The following ZFPM2 variants were observed in gnomAD, a reference collection of about 807,000 sequenced individuals.
ZFPM2 encodes the protein zinc finger protein ZFPM2.
Under a neutral mutation model 98.6 loss-of-function variants are expected in ZFPM2, and 20 were observed. That is an observed-to-expected ratio of 0.20 (90% confidence interval 0.14 to 0.29). The LOEUF (loss-of-function observed/expected upper bound fraction) is 0.29, where lower values mean the gene tolerates loss of function less well. Among genes scored for constraint, ZFPM2 ranks in the 10% least tolerant of loss-of-function variants. The pLI is 1.00. For missense variants in ZFPM2, 1,310 were observed against 1,388.6 expected (o/e 0.94, Z 0.90); for synonymous variants, 518 against 502.7 (o/e 1.03, Z -0.41).
intron 1 of ZFPM2, among the ~76,000 whole-genome samples, chr8:105,322,512 C>T (rs1406109286): frequency 2.0e-5 from 3 of 148,402 alleles, no homozygotes; most frequent in South Asian, 4.2e-4. Context: ...TAATATAGAG[C>T]TTGAAAAGGA....
At chr8:105,534,508 C>T (rs1277755944) in intron 3 of ZFPM2, among the ~76,000 whole-genome samples, 1 of 150,536 alleles carries the variant, frequency 6.6e-6, no homozygotes, top group Non-Finnish European at 1.5e-5. Context: ...TCCTCTTCCT[C>T]TGTTTTTGTC....
chr8:105,652,459 A>G (rs776344447), intron 5 of ZFPM2, among the ~76,000 whole-genome samples: 2 of 151,386 alleles, frequency 1.3e-5, no homozygotes, highest in African/African-American at 2.4e-5. Context: ...GAGTATTCCA[A>G]TCAAGGAAAT....
chr8:105,698,996 C>T (rs1236407512), intron 5 of ZFPM2, among the ~76,000 whole-genome samples: 5 of 151,900 alleles, frequency 3.3e-5, no homozygotes, highest in Non-Finnish European at 7.4e-5. Flanking sequence ...CCTAAGCCAA[C>T]GAATTTTAGA....
intron 5 of ZFPM2, among the ~76,000 whole-genome samples, chr8:105,753,361 C>T (rs1812521073): frequency 1.3e-5 from 2 of 152,106 alleles, no homozygotes; most frequent in South Asian, 2.1e-4. Context: ...GACAGCTCCT[C>T]TGAGGCCTCA....
chr8:105,339,503 T>C (rs1445663605), intron 1 of ZFPM2, among the ~76,000 whole-genome samples: 1 of 151,896 alleles, frequency 6.6e-6, no homozygotes, highest in Non-Finnish European at 1.5e-5. Flanking sequence ...TAAGACAATA[T>C]GCAAACTATC....
chr8:105,349,325 G>A (rs982875655), intron 1 of ZFPM2, among the ~76,000 whole-genome samples: 1 of 152,132 alleles, frequency 6.6e-6, no homozygotes, highest in Non-Finnish European at 1.5e-5. Context: ...GACTTCAGCC[G>A]CCTAATTCCC....
chr8:105,632,446 A>G (rs1193788562), intron 4 of ZFPM2, among the ~76,000 whole-genome samples: 7 of 152,186 alleles, frequency 4.6e-5, no homozygotes, highest in Non-Finnish European at 1.0e-4. Context: ...CTGGGATTGT[A>G]GGAGTGAGCC....
At chr8:105,564,021 C>T (rs1163396103) in intron 4 of ZFPM2, among the ~76,000 whole-genome samples, 1 of 151,942 alleles carries the variant, frequency 6.6e-6, no homozygotes, top group Non-Finnish European at 1.5e-5. Context: ...TATGCTAAAT[C>T]GTGATGGATA....
At chr8:105,407,102 GCT>G (rs1811475961) in intron 1 of ZFPM2, among the ~76,000 whole-genome samples, 1 of 141,990 alleles carries the variant, frequency 7.0e-6, no homozygotes, top group East Asian at 2.0e-4. Flanking sequence ...CAGATTAAAT[GCT>G]CTAATTTTTT....
chr8:105,746,634 T>C (rs1812352212), intron 5 of ZFPM2, among the ~76,000 whole-genome samples: 1 of 150,750 alleles, frequency 6.6e-6, no homozygotes, highest in South Asian at 2.1e-4. Context: ...TTTCTTGCGT[T>C]TTCTTGTTCT....
chr8:105,339,934 G>A (rs1267737872), intron 1 of ZFPM2, among the ~76,000 whole-genome samples: 1 of 151,908 alleles, frequency 6.6e-6, no homozygotes, highest in Admixed American at 6.6e-5. Flanking sequence ...ATGCCATAAA[G>A]GAGATCTTAA....
Position 105,802,266 on chromosome 8 carries a change from C to A in ZFPM2, c.2184C>A (p.Ala728=). Residue 728 remains alanine (A), a synonymous_variant, in exon 8 of 8, where the codon GCC becomes GCA. Coordinates refer to ENST00000407775, the MANE Select transcript of ZFPM2 (RefSeq NM_012082.4). ...LKRSASNKVP[A]MQRTMRTRKR... is the part of the protein sequence containing the mutation. ...GGTCTGCTTCCAACAAAGTGCCTGC[C>A]ATGCAGAGAACCATGCGCACACGCA... is the stretch of plus-strand genomic sequence containing the variant. The A allele has an allele frequency of 6.2e-7, 1 of 1,613,840 alleles. No homozygotes were observed.
intron 1 of ZFPM2, among the ~76,000 whole-genome samples, chr8:105,390,678 C>A (rs919274433): frequency 1.3e-5 from 2 of 152,128 alleles, no homozygotes; most frequent in Non-Finnish European, 2.9e-5. Context: ...GATTCCTGTG[C>A]AGGACAAAGA....
At chr8:105,721,012 A>G (rs1474391430) in intron 5 of ZFPM2, among the ~76,000 whole-genome samples, 1 of 151,850 alleles carries the variant, frequency 6.6e-6, no homozygotes, top group Non-Finnish European at 1.5e-5. Context: ...CATTGTAAAA[A>G]CCTAGAAAAT....
intron 3 of ZFPM2, among the ~76,000 whole-genome samples, chr8:105,454,754 T>C (rs1213084478): frequency 6.6e-6 from 1 of 152,192 alleles, no homozygotes; most frequent in African/African-American, 2.4e-5. Flanking sequence ...GCCTAAATAC[T>C]GTTCATAAAG....
chr8:105,694,488 G>C (rs1416362973), intron 5 of ZFPM2, among the ~76,000 whole-genome samples: 1 of 152,018 alleles, frequency 6.6e-6, no homozygotes. Flanking sequence ...TTACTTCTTA[G>C]AGACTCAGGT....
chr8:105,652,832 T>C (rs1028558391), intron 5 of ZFPM2, among the ~76,000 whole-genome samples: 2 of 152,216 alleles, frequency 1.3e-5, no homozygotes, highest in African/African-American at 4.8e-5. Flanking sequence ...AAAAGATACA[T>C]GTCTATAAAA....
chr8:105,689,174 CT>C (rs1810817513), intron 5 of ZFPM2, among the ~76,000 whole-genome samples: 1 of 152,072 alleles, frequency 6.6e-6, no homozygotes, highest in African/African-American at 2.4e-5. Flanking sequence ...TTATGGAAGC[CT>C]TCTGTAACCA....
Position 105,637,413 on chromosome 8 carries a change from G to A in ZFPM2, c.532+3056G>A, listed in dbSNP as rs556852676. On this transcript the variant is annotated intron_variant, in intron 5 of 7. Transcript: ENST00000407775. Reference sequence around the variant, plus strand: ...GCCCCATGACCAAATATCATTTATCGTAGCCCTCTTGAAAACTCACAATGG... The same window carrying A: ...GCCCCATGACCAAATATCATTTATCATAGCCCTCTTGAAAACTCACAATGG... Among the ~76,000 whole-genome samples, 8 of 152,140 alleles carry A rather than the reference G, an allele frequency of 5.3e-5. No individual in the cohort carries two copies. In the East Asian group the frequency reaches 7.7e-4, roughly 15 times the overall value.
Sources: gnomAD v4.1 joint callset for allele counts (sites outside exome capture counted in the v4.1 genomes callset) on GRCh38, gnomAD v4.1.1 for gene constraint, MANE v1.5 for transcripts, NCBI Gene and HGNC (gene_info 2026-07-23, HGNC 2026-07-21) for gene names.